DBNL: variants seen among roughly 807,000 people sequenced by gnomAD.
DBNL encodes the protein drebrin-like protein.
In DBNL, 35 loss-of-function variants were observed where a neutral mutation model predicts 62.2. The ratio of observed to expected loss-of-function variants is 0.56; its 90% CI spans 0.43 to 0.75. DBNL has a LOEUF of 0.75. DBNL is among the 30% of genes least tolerant of loss of function. DBNL has a pLI of 0.00. For synonymous variants in DBNL, 197 were observed against 218.0 expected, an observed-to-expected ratio of 0.90 and a Z score of 0.85; for missense variants, 495 against 578.4, an observed-to-expected ratio of 0.86 and a Z score of 1.48.
rs2096140664 is a variant in DBNL, at chr7:44,058,296, A to G, written c.704+16A>G. The stretch of plus-strand genomic sequence containing the variant: ...GCCCCCAGAGGTGAGCCAGAGGTGG[A>G]GGCTGGCCTGGGGGACCCACCCTGA... On this transcript the variant is annotated intron_variant, in intron 7 of 12. Coordinates refer to ENST00000448521, the MANE Select transcript of DBNL (RefSeq NM_001014436.3). The G allele has an allele frequency of 1.1e-5, 18 of 1,576,936 alleles. No individual in the cohort carries two copies. The highest frequency in any genetic ancestry group is 1.8e-5 in the Admixed American group (1 of 55,738).
Position 44,065,379 on chromosome 7 carries a change from CCAT to C in DBNL, c.*4465_*4467del. 1 of 1,614,086 alleles carries C rather than the reference CCAT, an allele frequency of 6.2e-7. No individual in the cohort carries two copies. The highest frequency in any genetic ancestry group is 1.7e-5 in the Admixed American group (1 of 60,028). On this transcript the variant is annotated 3_prime_UTR_variant, in exon 13 of 13. Coordinates refer to ENST00000448521, the MANE Select transcript of DBNL (RefSeq NM_001014436.3). ...ACTGACGTGTAGCAGATGTCAAACTCCATCTTGGCATCCTTGATGGCCTTGGCT... is the reference window on the plus strand; with the variant it reads ...ACTGACGTGTAGCAGATGTCAAACTCCTTGGCATCCTTGATGGCCTTGGCT...
chr7:44,051,408 G>A (rs2096126378), intron 2 of DBNL: 2 of 169,082 alleles, frequency 1.2e-5, no homozygotes, highest in Non-Finnish European at 2.6e-5. Context: ...GCAGGCAGTG[G>A]TGACTCTACA....
chr7:44,065,672 C>CTT lies in DBNL; in HGVS notation c.*4757_*4758insTT, dbSNP rs2096158710. The CTT allele has an allele frequency of 1.3e-6, 1 of 792,970 alleles. No homozygotes were observed. Among genetic ancestry groups the CTT allele is most frequent in the Admixed American group, 2.0e-5 (1 of 50,176 alleles). 49.1% of individuals were successfully genotyped at this position (792,970 alleles called of 1,614,324 possible). On this transcript the variant is annotated 3_prime_UTR_variant, in exon 13 of 13. Coordinates refer to ENST00000448521, the MANE Select transcript of DBNL (RefSeq NM_001014436.3). ...CCAGGCGGTGGCAGGTGACCAGTAG[C>CTT]TGAGCTGCTGGGGGCTGGGGGCCAG...
At chr7:44,050,136 T>G in intron 1 of DBNL, 89 bp from the exon 2 acceptor site, 2 of 1,448,616 alleles carry the variant, frequency 1.4e-6, no homozygotes, top group Non-Finnish European at 1.9e-6. Flanking sequence ...CCAAGCTCTT[T>G]GGGATGTAGT....
At chr7:44,058,665 T>C (rs1027600764) in intron 8 of DBNL, 185 bp downstream of exon 8, 51 of 909,882 alleles carry the variant, frequency 5.6e-5, no homozygotes, top group Non-Finnish European at 8.3e-5. Context: ...AGCGTCGGGC[T>C]TGGACCACAC....
Position 44,064,793 on chromosome 7 carries a change from G to GGCCCCCCCCCCCCCCC in DBNL, c.*3877_*3878insGCCCCCCCCCCCCCCC. On this transcript the variant is annotated 3_prime_UTR_variant, in exon 13 of 13. Transcript: ENST00000448521. ...AGATGAGAAGCCAGCTGGGGCTGCT[G>GGCCCCCCCCCCCCCCC]CCCACCCACCCTGCCCAGGCTCCTG... 29 of 1,136,818 alleles carry GGCCCCCCCCCCCCCCC rather than the reference G, an allele frequency of 2.6e-5. No individual in the cohort carries two copies. The highest frequency in any genetic ancestry group is 5.0e-5 in the East Asian group (2 of 40,026). The allele number at this position is 1,136,818 out of a possible 1,614,324, so 70.4% of individuals were successfully genotyped here.
chr7:44,058,037 G>A (rs1298541610), intron 6 of DBNL, 92 bp from the exon 7 acceptor site: 25 of 1,524,060 alleles, frequency 1.6e-5, no homozygotes, highest in East Asian at 2.5e-5. Context: ...TCTGGTGCCC[G>A]TCTTTGGCCA....
intron 1 of DBNL, among the ~76,000 whole-genome samples, chr7:44,047,145 A>T (rs1036833296): frequency 6.6e-6 from 1 of 152,104 alleles, no homozygotes; most frequent in Admixed American, 6.6e-5. Context: ...CTTCAGACAC[A>T]TGCCAGACAC....
chr7:44,061,561 G>A lies in DBNL; in HGVS notation c.*645G>A, dbSNP rs148834942. 0.012 allele frequency: 1,795 copies of A among 153,560 alleles called. 38 individuals are homozygous for A. Among genetic ancestry groups the A allele is most frequent in the African/African-American group, 0.041 (1,700 of 41,540 alleles). 9.5% of individuals were successfully genotyped at this position (153,560 alleles called of 1,614,324 possible). On this transcript the variant is annotated 3_prime_UTR_variant, in exon 13 of 13. Coordinates refer to ENST00000448521, the MANE Select transcript of DBNL (RefSeq NM_001014436.3). ...CGGCAGACACAACATGTTCCTCCACGCGGCTCACTCGATGCCTGCAGGCCC... is the reference window on the plus strand; with the variant it reads ...CGGCAGACACAACATGTTCCTCCACACGGCTCACTCGATGCCTGCAGGCCC...
At chr7:44,045,180 C>T (rs917399952) in intron 1 of DBNL, among the ~76,000 whole-genome samples, 1 of 152,232 alleles carries the variant, frequency 6.6e-6, no homozygotes, top group African/African-American at 2.4e-5. Flanking sequence ...TGGGACTTCC[C>T]TGGAGAAGGG....
chr7:44,048,539 G>A (rs997965542), intron 1 of DBNL, among the ~76,000 whole-genome samples: 2 of 152,208 alleles, frequency 1.3e-5, no homozygotes, highest in African/African-American at 4.8e-5. Flanking sequence ...ACTGGGCCTG[G>A]GTCTAATTTC....
chr7:44,058,267 G>T lies in DBNL; in HGVS notation c.691G>T (p.Ala231Ser). The change falls in exon 7 of 13, where the codon GCC becomes TCC. Residue 231 changes from alanine (A) to serine (S), a missense_variant. Ala to Ser is a moderately conservative substitution (Grantham distance 99). Coordinates refer to ENST00000448521, the MANE Select transcript of DBNL (RefSeq NM_001014436.3). ...GCGCTATCAGGAGCAGGGTGGCGAGGCCAGCCCCCAGAGGTGAGCCAGAGG... is the reference window on the plus strand; with the variant it reads ...GCGCTATCAGGAGCAGGGTGGCGAGTCCAGCCCCCAGAGGTGAGCCAGAGG... ...EQRYQEQGGEASPQRTWEQQQ... is the reference protein window; with the variant it reads ...EQRYQEQGGESSPQRTWEQQQ... 6.3e-7 allele frequency: 1 copy of T among 1,575,630 alleles called. No individual in the cohort carries two copies.
At chr7:44,047,729 A>T (rs1310459896) in intron 1 of DBNL, among the ~76,000 whole-genome samples, 1 of 152,130 alleles carries the variant, frequency 6.6e-6, no homozygotes, top group Non-Finnish European at 1.5e-5. Flanking sequence ...AGGCCAGTGC[A>T]CCATGTTTTT....
intron 6 of DBNL, 98 bp downstream of exon 6, chr7:44,057,957 T>C: frequency 2.6e-6 from 4 of 1,561,890 alleles, no homozygotes; most frequent in Non-Finnish European, 8.7e-7. Flanking sequence ...TCCACTCTCC[T>C]TGGTGCCCAT....
At chr7:44,049,046 G>A (rs777769972) in intron 1 of DBNL, among the ~76,000 whole-genome samples, 1 of 151,972 alleles carries the variant, frequency 6.6e-6, no homozygotes, top group Non-Finnish European at 1.5e-5. Flanking sequence ...GTAGAGACAG[G>A]GTCCCACCAT....
chr7:44,061,116 C>T lies in DBNL; in HGVS notation c.*200C>T, dbSNP rs951006254. 8 of 676,964 alleles carry T rather than the reference C, an allele frequency of 1.2e-5. No individual in the cohort carries two copies. The highest frequency in any genetic ancestry group is 1.9e-5 in the South Asian group (1 of 52,070). 41.9% of individuals were successfully genotyped at this position (676,964 alleles called of 1,614,324 possible). A position where few individuals can be genotyped will look rare whatever the true frequency, so the allele number is the denominator to read the frequency against. Reference sequence around the variant, plus strand: ...GGCCTGGTGATTCCCACACATCCTTCCTGCATCCCCCGACCCTCCCAGACA... The same window carrying T: ...GGCCTGGTGATTCCCACACATCCTTTCTGCATCCCCCGACCCTCCCAGACA... On this transcript the variant is annotated 3_prime_UTR_variant, in exon 13 of 13. Transcript: ENST00000448521.
Position 44,067,820 on chromosome 7 carries a change from T to C in DBNL, c.*6904T>C, listed in dbSNP as rs1363830701. 6.6e-6 allele frequency: 1 copy of C among 152,284 alleles called. No homozygotes were observed. The highest frequency in any genetic ancestry group is 2.4e-5 in the African/African-American group (1 of 41,530). 9.4% of individuals were successfully genotyped at this position (152,284 alleles called of 1,614,324 possible). The stretch of plus-strand genomic sequence containing the variant: ...GGACAGATGCAGGAGCAGCTGTCAG[T>C]AGACAGATAAGAAAAGGAGATCAGA... On this transcript the variant is annotated 3_prime_UTR_variant, in exon 13 of 13. Coordinates refer to ENST00000448521, the MANE Select transcript of DBNL (RefSeq NM_001014436.3).
chr7:44,064,793 G>GGGCCCC lies in DBNL; in HGVS notation c.*3877_*3878insGGCCCC. ...AGATGAGAAGCCAGCTGGGGCTGCT[G>GGGCCCC]CCCACCCACCCTGCCCAGGCTCCTG... On this transcript the variant is annotated 3_prime_UTR_variant, in exon 13 of 13. Transcript: ENST00000448521. 8 of 1,136,918 alleles carry GGGCCCC rather than the reference G, an allele frequency of 7.0e-6. No homozygotes were observed. Among genetic ancestry groups the GGGCCCC allele is most frequent in the East Asian group, 2.5e-5 (1 of 40,038 alleles). The allele number at this position is 1,136,918 out of a possible 1,614,324, so 70.4% of individuals were successfully genotyped here.
Position 44,065,154 on chromosome 7 carries a change from T to C in DBNL, c.*4238T>C. On this transcript the variant is annotated 3_prime_UTR_variant, in exon 13 of 13. Transcript: ENST00000448521. Reference sequence around the variant, plus strand: ...TTGTAGTAGGGGTGCTTCTCGTCCATCGGGGGCGGCGGGATGTCGAAGGAG... The same window carrying C: ...TTGTAGTAGGGGTGCTTCTCGTCCACCGGGGGCGGCGGGATGTCGAAGGAG... 1.9e-6 allele frequency: 3 copies of C among 1,614,056 alleles called. No individual in the cohort carries two copies. The highest frequency in any genetic ancestry group is 1.6e-4 in the Middle Eastern group (1 of 6,062).
Sources: allele counts gnomAD v4.1 joint callset (sites outside exome capture counted in the v4.1 genomes callset), GRCh38; gene constraint gnomAD v4.1.1; transcripts MANE v1.5; gene names NCBI Gene and HGNC (gene_info 2026-07-23, HGNC 2026-07-21).